DAPK1: variants seen among roughly 807,000 people sequenced by gnomAD.
DAPK1 encodes the protein death associated protein kinase 1.
Under a neutral mutation model 144.9 loss-of-function variants are expected in DAPK1, and 56 were observed. The ratio of observed to expected loss-of-function variants is 0.39; its 90% CI spans 0.31 to 0.48. The LOEUF is 0.48. DAPK1 is among the 20% of genes least tolerant of loss of function. The probability of loss-of-function intolerance (pLI) is 0.95; values close to 1 mark genes in which losing one functional copy is unlikely to be tolerated. For missense variants in DAPK1, 1,454 were observed against 1,875.4 expected, an observed-to-expected ratio of 0.78 and a Z score of 4.15; for synonymous variants, 690 against 749.0, an observed-to-expected ratio of 0.92 and a Z score of 1.29.
At chr9:87,608,447 C>G (rs1316049794) in intron 3 of DAPK1, among the ~76,000 whole-genome samples, 1 of 152,112 alleles carries the variant, frequency 6.6e-6, no homozygotes, top group Non-Finnish European at 1.5e-5. Context: ...CCCATACAGA[C>G]TTGTGTGTGG....
intron 2 of DAPK1, among the ~76,000 whole-genome samples, chr9:87,511,668 TTGTGTGTGTG>T (rs59377718): frequency 5.7e-5 from 8 of 140,638 alleles, no homozygotes; most frequent in Admixed American, 1.4e-4. Flanking sequence ...TCTTTTTCTT[TTGTGTGTGTG>T]TGTGTGTGTG....
At chr9:87,673,502 T>A (rs1413063350) in intron 19 of DAPK1, among the ~76,000 whole-genome samples, 1 of 152,162 alleles carries the variant, frequency 6.6e-6, no homozygotes, top group African/African-American at 2.4e-5. Context: ...GTGGAAGATG[T>A]GCAGGGGAGA....
At chr9:87,639,272 TTTG>T in intron 4 of DAPK1, 79 bp from the exon 5 acceptor site, 2 of 1,301,474 alleles carry the variant, frequency 1.5e-6, no homozygotes, top group South Asian at 3.4e-5. Flanking sequence ...TTTTTTTTTT[TTTG>T]GAGAGAAGAA....
chr9:87,668,588 C>T lies in DAPK1; in HGVS notation c.1924-9C>T, dbSNP rs750675497. Reference sequence around the variant, plus strand: ...AGAGAAAAGAAACTAATGCATTTTTCTCCAACAGGACGGAAAGACGGCAGA... The same window carrying T: ...AGAGAAAAGAAACTAATGCATTTTTTTCCAACAGGACGGAAAGACGGCAGA... On this transcript the variant is annotated splice_polypyrimidine_tract_variant and intron_variant, in intron 18 of 25. Coordinates refer to ENST00000408954, the MANE Select transcript of DAPK1 (RefSeq NM_004938.4). The T allele has an allele frequency of 2.3e-6, 3 of 1,286,278 alleles. No individual in the cohort carries two copies. Among genetic ancestry groups the T allele is most frequent in the Non-Finnish European group, 3.4e-6 (3 of 880,108 alleles). 79.7% of individuals were successfully genotyped at this position (1,286,278 alleles called of 1,614,324 possible).
intron 2 of DAPK1, among the ~76,000 whole-genome samples, chr9:87,541,709 C>CT (rs1826063038): frequency 1.3e-5 from 2 of 152,094 alleles, no homozygotes; most frequent in Non-Finnish European, 2.9e-5. Flanking sequence ...AAACTGAAGA[C>CT]AACAATTAAG....
intron 2 of DAPK1, among the ~76,000 whole-genome samples, chr9:87,569,843 TA>T (rs1827268213): frequency 6.6e-6 from 1 of 152,250 alleles, no homozygotes; most frequent in African/African-American, 2.4e-5. Context: ...CCTCTTCCTT[TA>T]TTTTTAAGAC....
chr9:87,513,753 T>A (rs994623924), intron 2 of DAPK1, among the ~76,000 whole-genome samples: 1 of 152,184 alleles, frequency 6.6e-6, no homozygotes, highest in Non-Finnish European at 1.5e-5. Context: ...ACTGTCACTG[T>A]CTTGGAAGGG....
chr9:87,525,361 T>C (rs1327879018), intron 2 of DAPK1: 10 of 1,611,332 alleles, frequency 6.2e-6, no homozygotes, highest in South Asian at 2.2e-5. Context: ...GTTCTCGCTC[T>C]TGTTGCGTGT....
intron 3 of DAPK1, among the ~76,000 whole-genome samples, chr9:87,610,309 G>A (rs761077316): frequency 4.6e-5 from 7 of 152,176 alleles, no homozygotes; most frequent in Admixed American, 2.6e-4. Flanking sequence ...TAATGAAGTC[G>A]TGCCAATACC....
At chr9:87,649,285 T>C (rs1459097972) in intron 15 of DAPK1, among the ~76,000 whole-genome samples, 3 of 152,188 alleles carry the variant, frequency 2.0e-5, no homozygotes, top group Non-Finnish European at 4.4e-5. Context: ...ACCGCCGCAC[T>C]AGGATGGCCT....
intron 21 of DAPK1, among the ~76,000 whole-genome samples, chr9:87,689,272 C>T (rs1824970960): frequency 6.6e-6 from 1 of 152,056 alleles, no homozygotes; most frequent in African/African-American, 2.4e-5. Context: ...TCTGGGTTAT[C>T]TATTCTGTTC....
At chr9:87,656,850 G>A (rs991802313) in intron 17 of DAPK1, among the ~76,000 whole-genome samples, 2 of 152,208 alleles carry the variant, frequency 1.3e-5, no homozygotes, top group African/African-American at 4.8e-5. Flanking sequence ...TCCTGTTGAG[G>A]ATTCATAGAT....
intron 7 of DAPK1, 69 bp from the exon 8 acceptor site, chr9:87,640,229 T>G: frequency 6.9e-7 from 1 of 1,446,238 alleles, no homozygotes; most frequent in Non-Finnish European, 9.5e-7. Flanking sequence ...ACTCCAGATG[T>G]TATAGGAGCA....
intron 20 of DAPK1, 72 bp downstream of exon 20, chr9:87,681,698 G>C (rs771608079): frequency 1.2e-6 from 1 of 807,206 alleles, no homozygotes; most frequent in South Asian, 1.4e-5. Context: ...TCAAGGTCTA[G>C]GGGGGAAGGG....
intron 19 of DAPK1, among the ~76,000 whole-genome samples, chr9:87,673,202 A>T (rs567794276): frequency 6.6e-6 from 1 of 151,916 alleles, no homozygotes; most frequent in African/African-American, 2.4e-5. Context: ...TTTTCTCTCA[A>T]CCCCTAGGGT....
chr9:87,538,155 A>G (rs1425106114), intron 2 of DAPK1, among the ~76,000 whole-genome samples: 1 of 152,230 alleles, frequency 6.6e-6, no homozygotes, highest in South Asian at 2.1e-4. Flanking sequence ...GAAATTTAAG[A>G]TGTTAATTTC....
chr9:87,561,670 G>A (rs946445626), intron 2 of DAPK1, among the ~76,000 whole-genome samples: 2 of 152,160 alleles, frequency 1.3e-5, no homozygotes, highest in Non-Finnish European at 2.9e-5. Flanking sequence ...GGATTCCCCT[G>A]CTCCATGGAA....
chr9:87,621,046 C>T (rs539785769), intron 3 of DAPK1, among the ~76,000 whole-genome samples: 15 of 152,310 alleles, frequency 9.8e-5, no homozygotes, highest in African/African-American at 3.4e-4. Flanking sequence ...TCTTTAGTTC[C>T]AGCCCGGGAA....
chr9:87,561,351 C>T (rs933673195), intron 2 of DAPK1, among the ~76,000 whole-genome samples: 2 of 152,064 alleles, frequency 1.3e-5, no homozygotes, highest in African/African-American at 4.8e-5. Context: ...ACGGTGAAAC[C>T]TCGTCTCTCC....
Sources: gnomAD v4.1 joint callset for allele counts (sites outside exome capture counted in the v4.1 genomes callset) on GRCh38, gnomAD v4.1.1 for gene constraint, MANE v1.5 for transcripts, NCBI Gene and HGNC (gene_info 2026-07-23, HGNC 2026-07-21) for gene names.